ARHGAP10: variants seen among roughly 807,000 people sequenced by gnomAD.
ARHGAP10 encodes Rho GTPase activating protein 10, also known as rho GTPase-activating protein 10.
Under a neutral mutation model 108.6 loss-of-function variants are expected in ARHGAP10, and 87 were observed. The observed-to-expected ratio is 0.80, with a 90% CI of 0.67 to 0.96. The LOEUF (loss-of-function observed/expected upper bound fraction) is 0.96, where lower values mean the gene tolerates loss of function less well. ARHGAP10 is among the 40% of genes least tolerant of loss of function. ARHGAP10 has a pLI of 0.00. For synonymous variants in ARHGAP10, 347 were observed against 341.1 expected (o/e 1.02, Z -0.19); for missense variants, 939 against 954.5 (o/e 0.98, Z 0.21).
chr4:147,819,481 G>A (rs1732392877), intron 1 of ARHGAP10, among the ~76,000 whole-genome samples: 1 of 151,408 alleles, frequency 6.6e-6, no homozygotes, highest in African/African-American at 2.4e-5. Flanking sequence ...TTGGAAATAG[G>A]TACATGAAAT....
chr4:147,936,207 A>G (rs913002268), intron 13 of ARHGAP10, among the ~76,000 whole-genome samples: 9 of 152,094 alleles, frequency 5.9e-5, no homozygotes, highest in Admixed American at 2.0e-4. Context: ...ATTGAGGCTC[A>G]ATCTTTTTTC....
chr4:147,834,699 CA>C (rs1199681166), intron 3 of ARHGAP10, among the ~76,000 whole-genome samples: 2,051 of 151,002 alleles, frequency 0.014, 49 homozygotes, highest in African/African-American at 0.047. Context: ...CTCACACCCA[CA>C]CCCATACACA....
intron 1 of ARHGAP10, among the ~76,000 whole-genome samples, chr4:147,807,480 A>G (rs1428977633): frequency 2.0e-5 from 3 of 152,102 alleles, no homozygotes; most frequent in Non-Finnish European, 4.4e-5. Flanking sequence ...AATTAAAGAG[A>G]ATTTTTCTGA....
chr4:147,977,091 T>TG (rs1371181795), intron 18 of ARHGAP10, among the ~76,000 whole-genome samples: 5 of 152,370 alleles, frequency 3.3e-5, no homozygotes, highest in African/African-American at 1.2e-4. Context: ...CATCTGGAGA[T>TG]GCGGAGCTGC....
At chr4:148,008,565 C>T (rs377012062) in intron 18 of ARHGAP10, among the ~76,000 whole-genome samples, 4 of 151,676 alleles carry the variant, frequency 2.6e-5, no homozygotes, top group African/African-American at 7.3e-5. Flanking sequence ...TCCACAACAA[C>T]GACTTAGCAG....
At chr4:147,809,825 G>A (rs960332071) in intron 1 of ARHGAP10, among the ~76,000 whole-genome samples, 1 of 152,094 alleles carries the variant, frequency 6.6e-6, no homozygotes, top group Non-Finnish European at 1.5e-5. Context: ...TTCACAATAG[G>A]GTCACGCTCC....
At chr4:147,945,994 C>T (rs1372088804) in intron 14 of ARHGAP10, among the ~76,000 whole-genome samples, 3 of 152,206 alleles carry the variant, frequency 2.0e-5, no homozygotes, top group African/African-American at 4.8e-5. Flanking sequence ...AGTAGCTCCA[C>T]CCTGTTCCCC....
chr4:147,878,215 C>T (rs926584963), intron 8 of ARHGAP10, among the ~76,000 whole-genome samples: 2 of 152,146 alleles, frequency 1.3e-5, no homozygotes, highest in African/African-American at 4.8e-5. Context: ...CCTGCCTCAG[C>T]CTCCCGAGTA....
rs532808565 is a variant in ARHGAP10 at position 147,834,782 on chromosome 4, G to A, written c.312+11825G>A. ...CACACCCATACACACCCACCCATCC[G>A]GCTTGCTTTCCTTCCCTGTCTCCTT... On this transcript the variant is annotated intron_variant, in intron 3 of 22. Coordinates refer to ENST00000336498, the MANE Select transcript of ARHGAP10 (RefSeq NM_024605.4). Among the ~76,000 whole-genome samples, 73 of 61,756 alleles carry A rather than the reference G, an allele frequency of 1.2e-3. No individual in the cohort carries two copies. The South Asian group carries it at 0.018, about 15-fold the overall frequency. 40.5% of individuals were successfully genotyped at this position (61,756 alleles called of 152,430 possible).
At chr4:147,806,528 A>G (rs1031244381) in intron 1 of ARHGAP10, among the ~76,000 whole-genome samples, 4 of 151,988 alleles carry the variant, frequency 2.6e-5, no homozygotes, top group Admixed American at 2.6e-4. Flanking sequence ...CTTATAGATC[A>G]ATGCCTGTCT....
chr4:147,917,733 A>G (rs1737048214), intron 13 of ARHGAP10, among the ~76,000 whole-genome samples: 1 of 152,232 alleles, frequency 6.6e-6, no homozygotes, highest in Non-Finnish European at 1.5e-5. Flanking sequence ...TTTGAAATGA[A>G]ATATTTGACT....
rs1203118313 is a variant in ARHGAP10, at chr4:148,043,648, TA to T, written c.1868-3243del. 6.1e-4 allele frequency among the ~76,000 whole-genome samples: 69 copies of T among 113,846 alleles called. 4 individuals are homozygous for T. The highest frequency in any genetic ancestry group is 9.6e-4 in the Non-Finnish European group (53 of 55,400). The allele number at this position is 113,846 out of a possible 152,430, so 74.7% of individuals were successfully genotyped here. Reference sequence around the variant, plus strand: ...ATATATATATATATATATATATATATATATTTTAGGTGTATAAATATAGATA... The same window carrying T: ...ATATATATATATATATATATATATATTATTTTAGGTGTATAAATATAGATA... On this transcript the variant is annotated intron_variant, in intron 19 of 22. Coordinates refer to ENST00000336498, the MANE Select transcript of ARHGAP10 (RefSeq NM_024605.4).
At position 148,000,217 on chromosome 4, in the gene ARHGAP10, G is replaced by A. The variant is rs941797424; in HGVS notation, c.1717-23046G>A. 4.6e-5 allele frequency among the ~76,000 whole-genome samples: 7 copies of A among 152,062 alleles called. 1 individual carries two copies. Among genetic ancestry groups the A allele is most frequent in the Non-Finnish European group, 1.0e-4 (7 of 68,028 alleles). On this transcript the variant is annotated intron_variant, in intron 18 of 22. Transcript: ENST00000336498. ...CTTGCGATAGTTTGCTGAGAAGGAT[G>A]GTTTCCAGCTTCATCCATGTCCCTA...
intron 7 of ARHGAP10, among the ~76,000 whole-genome samples, chr4:147,870,626 C>G (rs1385647796): frequency 6.7e-6 from 1 of 148,676 alleles, no homozygotes; most frequent in Admixed American, 6.7e-5. Context: ...AAATGGAAAT[C>G]AAGAAAGCAG....
At chr4:148,007,805 T>C (rs1741010223) in intron 18 of ARHGAP10, among the ~76,000 whole-genome samples, 1 of 152,176 alleles carries the variant, frequency 6.6e-6, no homozygotes, top group Non-Finnish European at 1.5e-5. Flanking sequence ...CTTGATATGG[T>C]TTTGGAACTT....
intron 1 of ARHGAP10, among the ~76,000 whole-genome samples, chr4:147,737,731 C>T (rs565749613): frequency 3.0e-4 from 46 of 152,078 alleles, no homozygotes; most frequent in South Asian, 8.3e-4. Context: ...GAATGTAGAC[C>T]GGCTGTGAAA....
At chr4:148,034,887 C>A (rs1351979554) in intron 19 of ARHGAP10, among the ~76,000 whole-genome samples, 1 of 152,094 alleles carries the variant, frequency 6.6e-6, no homozygotes, top group Non-Finnish European at 1.5e-5. Context: ...TTTATATGGG[C>A]AAAAATTTTA....
chr4:147,843,909 T>C (rs1733520390), intron 3 of ARHGAP10, among the ~76,000 whole-genome samples: 1 of 152,258 alleles, frequency 6.6e-6, no homozygotes, highest in African/African-American at 2.4e-5. Context: ...ATCTGAGTAC[T>C]TGGTCTGAGA....
intron 7 of ARHGAP10, among the ~76,000 whole-genome samples, chr4:147,874,088 T>G (rs900686084): frequency 1.2e-4 from 18 of 151,800 alleles, no homozygotes; most frequent in African/African-American, 4.1e-4. Flanking sequence ...TTTATCAGAC[T>G]CTCCATCCCT....
Sources: gnomAD v4.1 joint callset for allele counts (sites outside exome capture counted in the v4.1 genomes callset) on GRCh38, gnomAD v4.1.1 for gene constraint, MANE v1.5 for transcripts, NCBI Gene and HGNC (gene_info 2026-07-23, HGNC 2026-07-21) for gene names.